The following DIP2C variants were observed in gnomAD, a reference collection of about 807,000 sequenced individuals.
The protein encoded by DIP2C is disco-interacting protein 2 homolog C.
In DIP2C, 33 loss-of-function variants were observed where a neutral mutation model predicts 192.4. The observed-to-expected ratio is 0.17, with a 90% CI of 0.13 to 0.23. The LOEUF (loss-of-function observed/expected upper bound fraction) is 0.23. Among genes scored for constraint, DIP2C ranks in the 10% least tolerant of loss-of-function variants. The pLI is 1.00. For missense variants in DIP2C, 1,537 were observed against 2,110.1 expected (o/e 0.73, Z 5.32); for synonymous variants, 979 against 864.1 (o/e 1.13, Z -2.33).
chr10:378,796 C>T (rs1961996919), intron 17 of DIP2C, among the ~76,000 whole-genome samples: 1 of 129,078 alleles, frequency 7.7e-6, no homozygotes, highest in Non-Finnish European at 1.6e-5. Context: ...CACCCATGGA[C>T]ATGCATAAAG....
intron 32 of DIP2C, among the ~76,000 whole-genome samples, chr10:303,022 G>A (rs1046449339): frequency 4.6e-5 from 7 of 152,110 alleles, no homozygotes; most frequent in Non-Finnish European, 8.8e-5. Context: ...CGTAAACACC[G>A]TACTTGTGAG....
chr10:575,569 C>G (rs562757212), intron 1 of DIP2C, among the ~76,000 whole-genome samples: 2 of 152,192 alleles, frequency 1.3e-5, no homozygotes, highest in Non-Finnish European at 2.9e-5. Context: ...GCTATGGGCA[C>G]GTGTGATCCT....
At chr10:604,988 G>A (rs1424793181) in intron 1 of DIP2C, among the ~76,000 whole-genome samples, 2 of 152,230 alleles carry the variant, frequency 1.3e-5, no homozygotes, top group East Asian at 1.9e-4. Context: ...ACTTCCGAAA[G>A]ATCTATGAAG....
intron 1 of DIP2C, among the ~76,000 whole-genome samples, chr10:608,997 C>T (rs781773945): frequency 2.0e-4 from 30 of 151,854 alleles, no homozygotes; most frequent in Middle Eastern, 3.4e-3. Flanking sequence ...CTAATATCTA[C>T]ACAGAAGAAA....
intron 1 of DIP2C, among the ~76,000 whole-genome samples, chr10:621,319 A>AC (rs1346488411): frequency 6.7e-6 from 1 of 148,428 alleles, no homozygotes; most frequent in African/African-American, 2.5e-5. Flanking sequence ...ACCCACACAC[A>AC]CCCCCAAGGT....
chr10:376,471 G>A (rs746788706), intron 17 of DIP2C, among the ~76,000 whole-genome samples: 2 of 143,080 alleles, frequency 1.4e-5, no homozygotes, highest in Non-Finnish European at 3.1e-5. Flanking sequence ...GACAAAATGC[G>A]AAGTTACCAG....
intron 1 of DIP2C, among the ~76,000 whole-genome samples, chr10:610,125 G>C (rs1852975146): frequency 6.6e-6 from 1 of 152,186 alleles, no homozygotes; most frequent in Non-Finnish European, 1.5e-5. Context: ...GCATACACAG[G>C]AGCAGTACTC....
chr10:639,481 G>A, intron 1 of DIP2C, among the ~76,000 whole-genome samples: 1 of 150,168 alleles, frequency 6.7e-6, no homozygotes, highest in African/African-American at 2.4e-5. Flanking sequence ...CACACATGGG[G>A]ATGTGTCAGG....
chr10:544,048 T>G (rs1235230070), intron 1 of DIP2C, among the ~76,000 whole-genome samples: 1 of 152,236 alleles, frequency 6.6e-6, no homozygotes, highest in African/African-American at 2.4e-5. Flanking sequence ...ATCTTTCACG[T>G]TCAAGGTGAC....
At chr10:463,666 A>C (rs1431387067) in intron 3 of DIP2C, among the ~76,000 whole-genome samples, 1 of 152,168 alleles carries the variant, frequency 6.6e-6, no homozygotes, top group Non-Finnish European at 1.5e-5. Context: ...GGAACCAAAA[A>C]ACAGAGCCCA....
In DIP2C at chr10:613,075, A is replaced by G. The variant is rs139846884; in HGVS notation, c.85+76419T>C. Among the ~76,000 whole-genome samples the G allele has an allele frequency of 2.0e-5, 3 of 152,364 alleles. No homozygotes were observed. The East Asian group carries it at 5.8e-4, about 29-fold the overall frequency. ...AAGAGGTCACAGGACAGCATGGCCC[A>G]AGGTCTAGGACCGTTCTAAGGAGAG... is the stretch of plus-strand genomic sequence containing the variant. On this transcript the variant is annotated intron_variant, in intron 1 of 36. Coordinates refer to ENST00000280886, the MANE Select transcript of DIP2C (RefSeq NM_014974.3).
At chr10:514,482 A>G (rs1323410429) in intron 1 of DIP2C, among the ~76,000 whole-genome samples, 1 of 152,152 alleles carries the variant, frequency 6.6e-6, no homozygotes, top group Admixed American at 6.5e-5. Flanking sequence ...GCCGTTCGCA[A>G]TGTTCACCAG....
chr10:300,456 A>G (rs766308596), intron 32 of DIP2C, among the ~76,000 whole-genome samples: 5 of 152,222 alleles, frequency 3.3e-5, no homozygotes, highest in Non-Finnish European at 7.3e-5. Context: ...AAATTCATAG[A>G]CAAAGTAGAA....
At position 497,186 on chromosome 10, in the gene DIP2C, T is replaced by C. The variant is rs371562640; in HGVS notation, c.86-10656A>G. ...AATACCCCAAACAACGTGAGTGCTA[T>C]GTAAATGGTGGGTGTACTGTATTGT... is the stretch of plus-strand genomic sequence containing the variant. On this transcript the variant is annotated intron_variant, in intron 1 of 36. Transcript: ENST00000280886. Among the ~76,000 whole-genome samples the C allele has an allele frequency of 5.3e-5, 8 of 152,228 alleles. No homozygotes were observed. In the East Asian group the frequency reaches 1.2e-3, roughly 22 times the overall value.
chr10:558,946 C>A (rs1360656641), intron 1 of DIP2C, among the ~76,000 whole-genome samples: 8 of 151,774 alleles, frequency 5.3e-5, no homozygotes, highest in East Asian at 3.9e-4. Flanking sequence ...CACCGACAGC[C>A]CAACCCCTCC....
intron 32 of DIP2C, among the ~76,000 whole-genome samples, chr10:294,435 C>CAT (rs1293510805): frequency 6.6e-6 from 1 of 151,932 alleles, no homozygotes; most frequent in East Asian, 1.9e-4. Flanking sequence ...GGCGAGACCC[C>CAT]ATCTCTACAA....
intron 36 of DIP2C, among the ~76,000 whole-genome samples, chr10:279,744 G>A (rs560565082): frequency 3.3e-5 from 5 of 152,190 alleles, no homozygotes; most frequent in Non-Finnish European, 5.9e-5. Context: ...ACACTGTGTG[G>A]GCAAGGGGCA....
chr10:612,345 T>C (rs941281641), intron 1 of DIP2C, among the ~76,000 whole-genome samples: 3 of 152,070 alleles, frequency 2.0e-5, no homozygotes, highest in African/African-American at 7.2e-5. Context: ...ATGTCAAATA[T>C]ATCAGCTAAA....
intron 1 of DIP2C, among the ~76,000 whole-genome samples, chr10:487,399 T>C (rs1221031576): frequency 6.6e-6 from 1 of 152,138 alleles, no homozygotes; most frequent in African/African-American, 2.4e-5. Context: ...TCACTTTTCC[T>C]AGTGAAAGGC....
Sources: gnomAD v4.1 joint callset for allele counts (sites outside exome capture counted in the v4.1 genomes callset) on GRCh38, gnomAD v4.1.1 for gene constraint, MANE v1.5 for transcripts, NCBI Gene and HGNC (gene_info 2026-07-23, HGNC 2026-07-21) for gene names.